The following MAP3K13 variants were observed in gnomAD, a reference collection of about 807,000 sequenced individuals.
The protein encoded by MAP3K13 is leucine zipper-bearing kinase.
A neutral mutation model predicts 104.0 loss-of-function variants in MAP3K13; 52 were observed. The ratio of observed to expected loss-of-function variants is 0.50; its 90% CI spans 0.40 to 0.63. The LOEUF (loss-of-function observed/expected upper bound fraction) is 0.63, where lower values mean the gene tolerates loss of function less well. MAP3K13 is among the 20% of genes least tolerant of loss of function. The pLI is 0.00. For synonymous variants in MAP3K13, 394 were observed against 442.2 expected (o/e 0.89, Z 1.37); for missense variants, 914 against 1,218.5 (o/e 0.75, Z 3.72).
At chr3:185,428,074 C>T (rs1468854709) in intron 1 of MAP3K13, among the ~76,000 whole-genome samples, 6 of 145,720 alleles carry the variant, frequency 4.1e-5, no homozygotes, top group African/African-American at 5.2e-5. Context: ...AGCAAAACTC[C>T]GTCTCAAAAA....
intron 7 of MAP3K13, among the ~76,000 whole-genome samples, chr3:185,454,654 T>TATATATGAG (rs1716231338): frequency 9.2e-6 from 1 of 108,248 alleles, no homozygotes; most frequent in Non-Finnish European, 1.7e-5. Flanking sequence ...ATATATGATA[T>TATATATGAG]ATATATGATA....
At chr3:185,354,656 C>G (rs1030459589) in intron 2 of MAP3K13, among the ~76,000 whole-genome samples, 1 of 151,720 alleles carries the variant, frequency 6.6e-6, no homozygotes, top group Admixed American at 6.6e-5. Context: ...AGGATGGTCC[C>G]ATTCAAGGAA....
At chr3:185,367,478 T>G (rs1305949083) in intron 1 of MAP3K13, among the ~76,000 whole-genome samples, 1 of 152,210 alleles carries the variant, frequency 6.6e-6, no homozygotes, top group Non-Finnish European at 1.5e-5. Context: ...TTAAGAAGAT[T>G]CATACCAGAA....
intron 2 of MAP3K13, among the ~76,000 whole-genome samples, chr3:185,322,906 C>G (rs1399296582): frequency 6.6e-6 from 1 of 152,028 alleles, no homozygotes; most frequent in East Asian, 1.9e-4. Context: ...TATCTTTACC[C>G]TAATGTAGGC....
intron 2 of MAP3K13, among the ~76,000 whole-genome samples, chr3:185,312,193 A>T (rs1292757317): frequency 6.6e-6 from 1 of 152,260 alleles, no homozygotes; most frequent in Non-Finnish European, 1.5e-5. Flanking sequence ...CTGCAAGCCA[A>T]GGAGAAGTAT....
At chr3:185,477,478 A>G in intron 12 of MAP3K13, 82 bp downstream of exon 12, 5 of 993,908 alleles carry the variant, frequency 5.0e-6, no homozygotes, top group Non-Finnish European at 8.0e-6. Flanking sequence ...CTCTTCAACC[A>G]CAGGTGATTC....
chr3:185,359,449 G>T (rs1723513144), upstream of MAP3K13, among the ~76,000 whole-genome samples: 1 of 152,168 alleles, frequency 6.6e-6, no homozygotes, highest in African/African-American at 2.4e-5. Flanking sequence ...TAAAGATGTT[G>T]TATTAGTTCC....
rs140828250 is a variant in MAP3K13, at chr3:185,393,495, G to A, written c.-86+30127G>A. On this transcript the variant is annotated intron_variant, in intron 1 of 13. Transcript: ENST00000265026. Reference sequence around the variant, plus strand: ...TTTTTTTGAGACGGAGTCTCGCTCTGTTGTCCAGGCTGGAGTGCAGTGGCG... The same window carrying A: ...TTTTTTTGAGACGGAGTCTCGCTCTATTGTCCAGGCTGGAGTGCAGTGGCG... Among the ~76,000 whole-genome samples the A allele has an allele frequency of 9.5e-3, 1,383 of 145,934 alleles. 17 individuals carry two copies. Among genetic ancestry groups the A allele is most frequent in the African/African-American group, 0.033 (1,314 of 39,618 alleles).
upstream of MAP3K13, among the ~76,000 whole-genome samples, chr3:185,362,396 T>C (rs1181600805): frequency 6.6e-6 from 1 of 152,222 alleles, no homozygotes; most frequent in Non-Finnish European, 1.5e-5. Flanking sequence ...TGTTCAAAGT[T>C]TCATTAAGTG....
chr3:185,400,492 T>C (rs1458088857), intron 1 of MAP3K13, among the ~76,000 whole-genome samples: 1 of 152,222 alleles, frequency 6.6e-6, no homozygotes, highest in Non-Finnish European at 1.5e-5. Flanking sequence ...ATGATTAACA[T>C]AGATGATTAA....
At chr3:185,365,097 A>G (rs1409978954) in intron 1 of MAP3K13, among the ~76,000 whole-genome samples, 1 of 152,206 alleles carries the variant, frequency 6.6e-6, no homozygotes, top group Non-Finnish European at 1.5e-5. Context: ...ATTTCTGTGA[A>G]AGAAATACAG....
At chr3:185,366,251 TG>T (rs963785559) in intron 1 of MAP3K13, among the ~76,000 whole-genome samples, 17 of 152,124 alleles carry the variant, frequency 1.1e-4, no homozygotes, top group Admixed American at 1.0e-3. Context: ...TTTCAAAGTT[TG>T]TCCATGTTGT....
At chr3:185,346,773 C>T (rs1722939186) in intron 2 of MAP3K13, among the ~76,000 whole-genome samples, 1 of 152,084 alleles carries the variant, frequency 6.6e-6, no homozygotes, top group African/African-American at 2.4e-5. Context: ...TAGCCATCAG[C>T]AGTGTATAAG....
chr3:185,384,172 C>T (rs1476670267), intron 1 of MAP3K13, among the ~76,000 whole-genome samples: 1 of 152,074 alleles, frequency 6.6e-6, no homozygotes, highest in Non-Finnish European at 1.5e-5. Flanking sequence ...TTTTTTAGCT[C>T]CCACATATGA....
chr3:185,318,310 C>A (rs1468181735), intron 2 of MAP3K13, among the ~76,000 whole-genome samples: 1 of 152,142 alleles, frequency 6.6e-6, no homozygotes, highest in Non-Finnish European at 1.5e-5. Context: ...TGAAACATAC[C>A]AAGTTCTTGC....
chr3:185,443,025 G>A (rs1358526480), intron 3 of MAP3K13, among the ~76,000 whole-genome samples: 1 of 152,018 alleles, frequency 6.6e-6, no homozygotes, highest in Non-Finnish European at 1.5e-5. Context: ...ATGTTTAGTA[G>A]AGACAGGGTT....
chr3:185,462,483 C>T (rs1717162349), intron 7 of MAP3K13, among the ~76,000 whole-genome samples: 1 of 152,062 alleles, frequency 6.6e-6, no homozygotes, highest in African/African-American at 2.4e-5. Flanking sequence ...CTTTAAAAAA[C>T]AAAACAGGGC....
At chr3:185,397,616 A>G (rs1025180686) in intron 1 of MAP3K13, among the ~76,000 whole-genome samples, 5 of 152,198 alleles carry the variant, frequency 3.3e-5, no homozygotes, top group Admixed American at 6.5e-5. Flanking sequence ...GTTTACAAAG[A>G]TCTCCTTAAA....
At chr3:185,303,233 C>T (rs879640484) in intron 2 of MAP3K13, among the ~76,000 whole-genome samples, 2 of 152,096 alleles carry the variant, frequency 1.3e-5, no homozygotes, top group Non-Finnish European at 2.9e-5. Flanking sequence ...ATTCTGTTTG[C>T]TAATATTTTG....
Sources: gnomAD v4.1 joint callset for allele counts (sites outside exome capture counted in the v4.1 genomes callset) on GRCh38, gnomAD v4.1.1 for gene constraint, MANE v1.5 for transcripts, NCBI Gene and HGNC (gene_info 2026-07-23, HGNC 2026-07-21) for gene names.